The following TENT4A variants were observed in gnomAD, a reference collection of about 807,000 sequenced individuals.
TENT4A encodes terminal nucleotidyltransferase 4A.
Under a neutral mutation model 72.8 loss-of-function variants are expected in TENT4A, and 7 were observed. That is an observed-to-expected ratio of 0.10 (90% CI 0.05 to 0.18). The LOEUF is 0.18. Among genes scored for constraint, TENT4A ranks in the 10% least tolerant of loss-of-function variants. TENT4A has a pLI of 1.00. For missense variants in TENT4A, 831 were observed against 1,017.7 expected (o/e 0.82, Z 2.50); for synonymous variants, 456 against 434.3 (o/e 1.05, Z -0.62).
rs1740193395 is a variant in TENT4A, at chr5:6,713,515, G to A, written c.-469G>A. 6.7e-6 allele frequency: 1 copy of A among 149,758 alleles called. No individual in the cohort carries two copies. Among genetic ancestry groups the A allele is most frequent in the Non-Finnish European group, 1.5e-5 (1 of 67,214 alleles). The allele number at this position is 149,758 out of a possible 1,614,324, so 9.3% of individuals were successfully genotyped here. A position where few individuals can be genotyped will look rare whatever the true frequency, so the allele number is the denominator to read the frequency against. ...CAGGAGCGCCGAGCCAGCGGCGCGA[G>A]CGTGACTGAGGGCTAGCCGCACGGG... On this transcript the variant is annotated 5_prime_UTR_variant, in exon 1 of 13. Coordinates refer to ENST00000230859, the MANE Select transcript of TENT4A (RefSeq NM_006999.6).
chr5:6,736,980 T>C (rs1429406251), intron 1 of TENT4A, among the ~76,000 whole-genome samples: 1 of 152,254 alleles, frequency 6.6e-6, no homozygotes, highest in Non-Finnish European at 1.5e-5. Context: ...ACCAGGTAGC[T>C]TGGGCAGACC....
At chr5:6,737,696 G>A (rs1741575906) in intron 2 of TENT4A, 63 bp downstream of exon 2, 14 of 1,541,830 alleles carry the variant, frequency 9.1e-6, no homozygotes, top group Non-Finnish European at 1.2e-5. Flanking sequence ...AATACCCTGT[G>A]ATGATGATGT....
intron 4 of TENT4A, 34 bp downstream of exon 4, chr5:6,739,886 A>G (rs369549845): frequency 1.2e-5 from 20 of 1,604,202 alleles, no homozygotes; most frequent in Admixed American, 3.3e-5. Flanking sequence ...CTGACCGGGC[A>G]GGAGCCTTGT....
intron 1 of TENT4A, among the ~76,000 whole-genome samples, chr5:6,716,515 C>G (rs1470540500): frequency 2.0e-5 from 3 of 152,182 alleles, no homozygotes; most frequent in Non-Finnish European, 2.9e-5. Flanking sequence ...CCGGAGGTGC[C>G]TTTGATGCAC....
At chr5:6,751,249 C>T (rs777167001) in intron 11 of TENT4A, 52 bp downstream of exon 11, 16 of 1,584,654 alleles carry the variant, frequency 1.0e-5, no homozygotes, top group Admixed American at 3.3e-5. Flanking sequence ...GAACAGCATC[C>T]GAGCTGTGAT....
chr5:6,726,280 AG>A (rs1740915164), intron 1 of TENT4A, among the ~76,000 whole-genome samples: 1 of 152,148 alleles, frequency 6.6e-6, no homozygotes, highest in Admixed American at 6.5e-5. Context: ...AGGCTCCTGA[AG>A]GGTCTGCAGT....
intron 4 of TENT4A, among the ~76,000 whole-genome samples, chr5:6,741,305 T>A (rs1741793888): frequency 6.6e-6 from 1 of 152,208 alleles, no homozygotes; most frequent in Admixed American, 6.5e-5. Context: ...GGGCGAGGGC[T>A]GAGTTTAAGG....
chr5:6,714,019 G>A lies in TENT4A; in HGVS notation c.36G>A (p.Gln12=), dbSNP rs1395447227. The A allele has an allele frequency of 1.0e-5, 10 of 984,808 alleles. No homozygotes were observed. The East Asian group carries it at 1.1e-3, about 107-fold the overall frequency. 61.0% of individuals were successfully genotyped at this position (984,808 alleles called of 1,614,324 possible). Residue 12 remains glutamine (Q), a synonymous_variant, in exon 1 of 13, where the codon CAG becomes CAA. Coordinates refer to ENST00000230859, the MANE Select transcript of TENT4A (RefSeq NM_006999.6). ...DPRVAWIQPE[Q]KGPANALWMQ... ...GCGTGGCCTGGATCCAGCCCGAGCAGAAGGGGCCGGCCAATGCCCTGTGGA... is the reference window on the plus strand; with the variant it reads ...GCGTGGCCTGGATCCAGCCCGAGCAAAAGGGGCCGGCCAATGCCCTGTGGA...
chr5:6,750,957 C>T (rs1424879793), intron 10 of TENT4A, 82 bp from the exon 11 acceptor site: 42 of 1,439,736 alleles, frequency 2.9e-5, no homozygotes, highest in Middle Eastern at 1.8e-4. Context: ...TGGATGCAGG[C>T]GTTTCTTTTC....
intron 9 of TENT4A, 77 bp downstream of exon 9, chr5:6,749,734 G>T (rs1433927604): frequency 1.1e-6 from 1 of 930,620 alleles, no homozygotes; most frequent in Non-Finnish European, 1.7e-6. Context: ...ATTCCTTTGT[G>T]GTAAATTGGT....
intron 4 of TENT4A, 89 bp downstream of exon 4, chr5:6,739,941 G>T: frequency 7.8e-7 from 1 of 1,289,220 alleles, no homozygotes; most frequent in Non-Finnish European, 1.1e-6. Context: ...ACGAGCTTGT[G>T]GTATTTTACA....
Position 6,749,552 on chromosome 5 carries a change from T to C in TENT4A, c.1587-5T>C, listed in dbSNP as rs1251100512. ...CTGTTGATCTCCAACAATGTCCCTTTGCAGTACTTTAGGAAGAATCATCAA... is the reference window on the plus strand; with the variant it reads ...CTGTTGATCTCCAACAATGTCCCTTCGCAGTACTTTAGGAAGAATCATCAA... On this transcript the variant is annotated splice_polypyrimidine_tract_variant and splice_region_variant and intron_variant, in intron 8 of 12. Coordinates refer to ENST00000230859, the MANE Select transcript of TENT4A (RefSeq NM_006999.6). 3 of 1,597,006 alleles carry C rather than the reference T, an allele frequency of 1.9e-6. No individual in the cohort carries two copies. In the South Asian group the frequency reaches 3.3e-5, roughly 18 times the overall value.
At chr5:6,724,883 G>A (rs989823909) in intron 1 of TENT4A, among the ~76,000 whole-genome samples, 1 of 152,198 alleles carries the variant, frequency 6.6e-6, no homozygotes. Flanking sequence ...GGGAGAGGCT[G>A]TTCTCGGCAC....
chr5:6,752,789 C>T, intron 11 of TENT4A, 84 bp from the exon 12 acceptor site: 2 of 1,205,268 alleles, frequency 1.7e-6, no homozygotes, highest in Non-Finnish European at 2.4e-6. Context: ...TATCAGCTGC[C>T]CTTTGGTGGT....
chr5:6,750,432 C>T lies in TENT4A; in HGVS notation c.1789C>T (p.Leu597=). Residue 597 remains leucine (L), a synonymous_variant, in exon 10 of 13, where the codon CTG becomes TTG. Coordinates refer to ENST00000230859, the MANE Select transcript of TENT4A (RefSeq NM_006999.6). ...CTATGGCCAGCGCTTGACTTTGTCG[C>T]TGTCCAGCCCCCAGCTCCTGTCTTC... ...SPYGQRLTLS[L]SSPQLLSSGS... 3 of 1,613,012 alleles carry T rather than the reference C, an allele frequency of 1.9e-6. No homozygotes were observed. The highest frequency in any genetic ancestry group is 2.2e-5 in the South Asian group (2 of 90,964).
chr5:6,752,099 G>A (rs913424879), intron 11 of TENT4A, among the ~76,000 whole-genome samples: 13 of 152,274 alleles, frequency 8.5e-5, no homozygotes, highest in Admixed American at 3.9e-4. Context: ...AAACTTGGTC[G>A]CCTTTTTATG....
intron 1 of TENT4A, among the ~76,000 whole-genome samples, chr5:6,727,601 C>T (rs963354625): frequency 1.3e-5 from 2 of 152,188 alleles, no homozygotes; most frequent in Admixed American, 1.3e-4. Context: ...GTGCTGTCCC[C>T]TTGTCTTTCC....
chr5:6,737,909 GT>G (rs374682397), intron 2 of TENT4A, among the ~76,000 whole-genome samples: 7,946 of 129,026 alleles, frequency 0.062, 211 homozygotes, highest in South Asian at 0.14. Flanking sequence ...GATTTGTTGG[GT>G]TTTTTTTTTT....
intron 7 of TENT4A, among the ~76,000 whole-genome samples, chr5:6,747,173 A>G (rs912817427): frequency 2.6e-5 from 4 of 152,204 alleles, no homozygotes; most frequent in Non-Finnish European, 5.9e-5. Flanking sequence ...GTGAGATACC[A>G]TTCTTACTGT....
Sources: gnomAD v4.1 joint callset for allele counts (sites outside exome capture counted in the v4.1 genomes callset) on GRCh38, gnomAD v4.1.1 for gene constraint, MANE v1.5 for transcripts, NCBI Gene and HGNC (gene_info 2026-07-23, HGNC 2026-07-21) for gene names.